Variants in CNBD1 observed in about 807,000 individuals in gnomAD.
CNBD1 encodes the protein cyclic nucleotide binding domain containing 1.
A neutral mutation model predicts 54.4 loss-of-function variants in CNBD1; 71 were observed. That is an observed-to-expected ratio of 1.30 (90% confidence interval 1.08 to 1.59). The LOEUF is 1.59. Ranked by LOEUF, CNBD1 falls within the 40% of genes most tolerant of loss-of-function variation. The pLI is 0.00. For synonymous variants in CNBD1, 182 were observed against 170.7 expected (o/e 1.07, Z -0.51); for missense variants, 659 against 518.0 (o/e 1.27, Z -2.64).
intron 4 of CNBD1, among the ~76,000 whole-genome samples, chr8:87,047,064 G>A (rs1182696331): frequency 2.0e-5 from 3 of 152,132 alleles, no homozygotes; most frequent in South Asian, 2.1e-4. Flanking sequence ...TATCTCACGT[G>A]TTAGATTAGC....
intron 5 of CNBD1, among the ~76,000 whole-genome samples, chr8:87,229,671 A>T (rs1038796012): frequency 6.6e-6 from 1 of 152,260 alleles, no homozygotes; most frequent in South Asian, 2.1e-4. Context: ...AACTCCATTT[A>T]CAATGTTAAA....
chr8:87,089,847 A>G (rs376323495), intron 4 of CNBD1, among the ~76,000 whole-genome samples: 1 of 152,064 alleles, frequency 6.6e-6, no homozygotes, highest in African/African-American at 2.4e-5. Flanking sequence ...AATGTCTTTC[A>G]TTAGTAACAT....
chr8:87,292,177 T>C (rs557787730), intron 8 of CNBD1, among the ~76,000 whole-genome samples: 2 of 152,310 alleles, frequency 1.3e-5, no homozygotes, highest in South Asian at 4.1e-4. Context: ...TTGCTATCTT[T>C]GAGTAGATGT....
At chr8:87,135,520 C>G (rs1426401846) in intron 4 of CNBD1, among the ~76,000 whole-genome samples, 1 of 149,744 alleles carries the variant, frequency 6.7e-6, no homozygotes, top group Non-Finnish European at 1.5e-5. Flanking sequence ...CCTAATAAAG[C>G]AATACATTTA....
At chr8:87,219,859 T>C (rs1488889745) in intron 5 of CNBD1, among the ~76,000 whole-genome samples, 1 of 152,006 alleles carries the variant, frequency 6.6e-6, no homozygotes, top group Non-Finnish European at 1.5e-5. Context: ...ACCCTTCACA[T>C]ACTTCTTAAT....
chr8:87,388,693 T>C (rs182807338), intron 2 of CNBD1, among the ~76,000 whole-genome samples: 2,280 of 152,254 alleles, frequency 0.015, 58 homozygotes, highest in African/African-American at 0.049. Flanking sequence ...CTGGTACCAT[T>C]CCTTCTGAAA....
At position 87,235,897 on chromosome 8, in the gene CNBD1, G is replaced by A. The variant is rs112973420; in HGVS notation, c.578-1022G>A. Among the ~76,000 whole-genome samples the A allele has an allele frequency of 3.1e-4, 47 of 152,182 alleles. 1 individual carries two copies. Among genetic ancestry groups the A allele is most frequent in the African/African-American group, 9.6e-4 (40 of 41,536 alleles). ...ATTGTGTTGCCTAGAAGGAGGTCTA[G>A]TTTAAGCTCAGACATCCAAGCAAGA... On this transcript the variant is annotated intron_variant, in intron 5 of 10. Transcript: ENST00000518476.
chr8:86,928,740 G>C (rs933261507), intron 3 of CNBD1, among the ~76,000 whole-genome samples: 6 of 152,186 alleles, frequency 3.9e-5, no homozygotes, highest in Non-Finnish European at 8.8e-5. Flanking sequence ...GGCCTTATGA[G>C]GGACCAAGGG....
intron 4 of CNBD1, among the ~76,000 whole-genome samples, chr8:87,091,050 G>T (rs1251250898): frequency 6.8e-6 from 1 of 147,524 alleles, no homozygotes; most frequent in African/African-American, 2.5e-5. Context: ...TGAGGCAGGA[G>T]AATCACTTGA....
intron 8 of CNBD1, among the ~76,000 whole-genome samples, chr8:87,308,424 T>C (rs554297578): frequency 5.0e-4 from 76 of 152,300 alleles, no homozygotes; most frequent in African/African-American, 1.8e-3. Flanking sequence ...TGAGCTTGGA[T>C]ATGCTTTGTC....
chr8:86,882,783 A>G (rs1236520346), intron 1 of CNBD1, among the ~76,000 whole-genome samples: 1 of 152,250 alleles, frequency 6.6e-6, no homozygotes, highest in Admixed American at 6.5e-5. Flanking sequence ...ATGCCCATCA[A>G]TGATAGACTG....
chr8:87,243,905 G>A (rs2336982), intron 6 of CNBD1, among the ~76,000 whole-genome samples: 56,490 of 151,796 alleles, frequency 0.37, 11,555 homozygotes, highest in Non-Finnish European at 0.46. Context: ...ATCTATGTGT[G>A]ACTGGAGTAT....
intron 4 of CNBD1, among the ~76,000 whole-genome samples, chr8:87,027,901 A>T (rs1210851175): frequency 6.6e-6 from 1 of 152,210 alleles, no homozygotes; most frequent in Non-Finnish European, 1.5e-5. Context: ...GTCCAAACGG[A>T]AACAGTCGGT....
chr8:87,329,180 C>T (rs1266909129), intron 8 of CNBD1, among the ~76,000 whole-genome samples: 2 of 152,084 alleles, frequency 1.3e-5, no homozygotes, highest in East Asian at 1.9e-4. Context: ...GGAAAGACTA[C>T]CTACTGTACT....
intron 10 of CNBD1, among the ~76,000 whole-genome samples, chr8:87,371,455 T>G (rs10094061): frequency 0.57 from 85,749 of 151,678 alleles, 25,797 homozygotes; most frequent in African/African-American, 0.77. Context: ...TCCCTTGTAA[T>G]TTGGATTCCT....
chr8:87,398,827 T>C (rs1811452356), intron 2 of CNBD1, among the ~76,000 whole-genome samples: 1 of 152,038 alleles, frequency 6.6e-6, no homozygotes, highest in South Asian at 2.1e-4. Context: ...TATTGGGCTT[T>C]AACTCTATTG....
At chr8:87,405,294 T>C (rs1348302740) in intron 2 of CNBD1, among the ~76,000 whole-genome samples, 2 of 152,128 alleles carry the variant, frequency 1.3e-5, no homozygotes, top group Non-Finnish European at 2.9e-5. Flanking sequence ...AATAATATGG[T>C]AAACTTTAAT....
chr8:87,423,487 G>T (rs79264156), intron 2 of CNBD1, among the ~76,000 whole-genome samples: 10 of 151,602 alleles, frequency 6.6e-5, no homozygotes, highest in Non-Finnish European at 8.8e-5. Context: ...TAGCATGAAG[G>T]GTTGTTGAAT....
At chr8:87,412,323 C>A (rs867509134) in intron 2 of CNBD1, among the ~76,000 whole-genome samples, 1 of 151,936 alleles carries the variant, frequency 6.6e-6, no homozygotes, top group Non-Finnish European at 1.5e-5. Flanking sequence ...GTACTCAAAG[C>A]AAAATATAAA....
Sources: gnomAD v4.1 joint callset for allele counts (sites outside exome capture counted in the v4.1 genomes callset) on GRCh38, gnomAD v4.1.1 for gene constraint, MANE v1.5 for transcripts, NCBI Gene and HGNC (gene_info 2026-07-23, HGNC 2026-07-21) for gene names.